FADS2: variants seen among roughly 807,000 people sequenced by gnomAD.
FADS2 encodes the protein fatty acid desaturase 2, also known as acyl-CoA 6-desaturase.
In FADS2, 18 loss-of-function variants were observed where a neutral mutation model predicts 61.2. The observed-to-expected ratio is 0.29, with a 90% confidence interval of 0.20 to 0.44. The LOEUF (loss-of-function observed/expected upper bound fraction) is 0.44, where lower values mean the gene tolerates loss of function less well. Among genes scored for constraint, FADS2 ranks in the 20% least tolerant of loss-of-function variants. The pLI is 1.00. For missense variants in FADS2, 322 were observed against 572.7 expected (o/e 0.56, Z 4.47); for synonymous variants, 203 against 223.9 (o/e 0.91, Z 0.83).
upstream of FADS2, chr11:61,828,174 T>C (rs1293840072): frequency 7.1e-7 from 1 of 1,411,700 alleles, no homozygotes; most frequent in Admixed American, 3.0e-5. This position sits in a 1 kb window ranked among gnomAD's most constrained non-coding sequence, Gnocchi z 6.4. Flanking sequence ...TTGGGGGCAC[T>C]GGGAAGCCAG....
At chr11:61,853,290 C>CCCTCCCTGCCTTCCTTCCTTCCTTCCTT (rs1487391139) in intron 5 of FADS2, among the ~76,000 whole-genome samples, 1 of 81,692 alleles carries the variant, frequency 1.2e-5, no homozygotes, top group African/African-American at 6.1e-5. Flanking sequence ...CTCCCTCCCT[C>CCCTCCCTGCCTTCCTTCCTTCCTTCCTT]CCTTCCTTCC....
intron 7 of FADS2, among the ~76,000 whole-genome samples, chr11:61,858,543 A>C (rs1482831822): frequency 2.0e-5 from 3 of 151,882 alleles, no homozygotes; most frequent in African/African-American, 7.3e-5. Flanking sequence ...CTTTTTTTTA[A>C]AATAGGGACA....
At chr11:61,863,625 G>A (rs1287173645) in intron 9 of FADS2, 82 bp from the exon 10 acceptor site, 1 of 1,228,922 alleles carries the variant, frequency 8.1e-7, no homozygotes, top group African/African-American at 1.5e-5. Context: ...TGGAGACCCT[G>A]GGTAAGGCTG....
intron 1 of FADS2, chr11:61,821,293 G>T: frequency 1.5e-6 from 1 of 648,368 alleles, no homozygotes. Context: ...GCTGAGGTGG[G>T]AGGATTACTT....
At chr11:61,839,989 T>C (rs1441277692) in intron 2 of FADS2, among the ~76,000 whole-genome samples, 1 of 152,268 alleles carries the variant, frequency 6.6e-6, no homozygotes, top group African/African-American at 2.4e-5. Flanking sequence ...GACCACGTGT[T>C]GCTGATCCAT....
At chr11:61,831,899 C>G (rs557250908) in intron 1 of FADS2, among the ~76,000 whole-genome samples, 34 of 152,348 alleles carry the variant, frequency 2.2e-4, no homozygotes, top group African/African-American at 7.5e-4. Context: ...CACCCGCGCC[C>G]TAAGAGCGTG....
chr11:61,857,644 G>T (rs1314908117), intron 7 of FADS2, 114 bp downstream of exon 7: 1 of 829,832 alleles, frequency 1.2e-6, no homozygotes, highest in Non-Finnish European at 2.1e-6. Context: ...GGGGCCCCAG[G>T]CATCTCCTCC....
In FADS2 at chr11:61,865,493, C is replaced by A. The variant is rs1477514518; in HGVS notation, c.1284-145C>A. The A allele has an allele frequency of 1.2e-5, 11 of 926,358 alleles. No homozygotes were observed. In the East Asian group the frequency reaches 2.9e-4, roughly 25 times the overall value. The allele number at this position is 926,358 out of a possible 1,614,324, so 57.4% of individuals were successfully genotyped here. ...TTCCTGGTGGGCTCTGAGCTGACAG[C>A]CCCACAGGCCCAGTGGCAGTGGTAA... On this transcript the variant is annotated intron_variant, in intron 11 of 11. Coordinates refer to ENST00000278840, the MANE Select transcript of FADS2 (RefSeq NM_004265.4). This position sits in a 1 kb window ranked among gnomAD's most constrained non-coding sequence, Gnocchi z 4.1.
At chr11:61,835,387 TCCCCCGA>T (rs2067164344) in intron 1 of FADS2, among the ~76,000 whole-genome samples, 1 of 147,760 alleles carries the variant, frequency 6.8e-6, no homozygotes, top group South Asian at 2.1e-4. Context: ...TTCTCCACCT[TCCCCCGA>T]CCCTTTTTTT....
intron 4 of FADS2, among the ~76,000 whole-genome samples, chr11:61,842,882 C>T (rs938552925): frequency 1.3e-5 from 2 of 152,328 alleles, no homozygotes; most frequent in Middle Eastern, 3.4e-3. Flanking sequence ...TCCTCAAGGG[C>T]CTCGCCAACT....
Position 61,865,323 on chromosome 11 carries a change from G to A in FADS2, c.1283+46G>A. The A allele has an allele frequency of 6.2e-7, 1 of 1,602,684 alleles. No individual in the cohort carries two copies. Among genetic ancestry groups the A allele is most frequent in the Non-Finnish European group, 8.5e-7 (1 of 1,175,182 alleles). On this transcript the variant is annotated intron_variant, in intron 11 of 11. Coordinates refer to ENST00000278840, the MANE Select transcript of FADS2 (RefSeq NM_004265.4). The surrounding 1 kb of genome is among the most constrained non-coding windows in gnomAD (Gnocchi z 4.1). ...GGCGCTGGGCCCTGGGATCACCCGT[G>A]GTGCAGACAGTGGGATCACAAGAGG...
intron 1 of FADS2, among the ~76,000 whole-genome samples, chr11:61,818,656 C>A (rs1445581240): frequency 6.6e-6 from 1 of 152,114 alleles, no homozygotes; most frequent in Non-Finnish European, 1.5e-5. Context: ...GATATAGAAT[C>A]CTTCCCCGTG....
chr11:61,848,142 C>T lies in FADS2; in HGVS notation c.619-17C>T. On this transcript the variant is annotated splice_polypyrimidine_tract_variant and intron_variant, in intron 4 of 11. Transcript: ENST00000278840. Reference sequence around the variant, plus strand: ...TGGTGGCTTGCATGGCTCATCCCCACCCCTCTCTCCCCACAGGGTGCCTCT... The same window carrying T: ...TGGTGGCTTGCATGGCTCATCCCCATCCCTCTCTCCCCACAGGGTGCCTCT... The T allele has an allele frequency of 6.8e-6, 11 of 1,614,034 alleles. No homozygotes were observed. Among genetic ancestry groups the T allele is most frequent in the Non-Finnish European group, 9.3e-6 (11 of 1,179,932 alleles).
At chr11:61,826,173 C>T (rs753539216), upstream of FADS2, 7 of 702,654 alleles carry the variant, frequency 1.0e-5, no homozygotes, top group South Asian at 1.0e-4. Flanking sequence ...ACTGAGGCTG[C>T]TGGGGCTTTT....
chr11:61,854,589 G>A (rs928977115), intron 5 of FADS2: 1 of 152,228 alleles, frequency 6.6e-6, no homozygotes, highest in African/African-American at 2.4e-5. Flanking sequence ...CCCCTAGCTT[G>A]CTACATTCTA....
chr11:61,817,365 C>T (rs1476321706), intron 1 of FADS2, among the ~76,000 whole-genome samples: 1 of 152,116 alleles, frequency 6.6e-6, no homozygotes. Context: ...TTGTGCTGCC[C>T]GAAGTAGCAG....
intron 1 of FADS2, among the ~76,000 whole-genome samples, chr11:61,831,875 G>A (rs61897793): frequency 0.11 from 16,428 of 152,098 alleles, 1,241 homozygotes; most frequent in Middle Eastern, 0.2. Context: ...CTTGCTGTGG[G>A]CAAAAGGAAC....
intron 1 of FADS2, among the ~76,000 whole-genome samples, chr11:61,820,402 A>G (rs1212153281): frequency 6.6e-6 from 1 of 152,092 alleles, no homozygotes; most frequent in Non-Finnish European, 1.5e-5. Context: ...AATTAAATTC[A>G]TCTTACTCAG....
chr11:61,846,306 G>A (rs1310416188), intron 4 of FADS2, among the ~76,000 whole-genome samples: 2 of 151,866 alleles, frequency 1.3e-5, no homozygotes, highest in Admixed American at 6.6e-5. Context: ...TAGTAGAGAC[G>A]GGGTTTCTCC....
Sources: gnomAD v4.1 joint callset for allele counts (sites outside exome capture counted in the v4.1 genomes callset) on GRCh38, gnomAD v4.1.1 for gene constraint, Gnocchi (gnomAD v3.1) non-coding constraint, MANE v1.5 for transcripts, NCBI Gene and HGNC (gene_info 2026-07-23, HGNC 2026-07-21) for gene names.